Variants in LRRC49 observed in about 807,000 individuals in gnomAD.
The protein encoded by LRRC49 is leucine-rich repeat-containing protein 49.
LRRC49 carries 50 observed loss-of-function variants against 83.3 expected under a neutral mutation model. The observed-to-expected ratio is 0.60, with a 90% CI of 0.48 to 0.76. The LOEUF is 0.76. LRRC49 is among the 30% of genes least tolerant of loss of function. The pLI is 0.00. For missense variants in LRRC49, 704 were observed against 809.1 expected (o/e 0.87, Z 1.58); for synonymous variants, 286 against 283.3 (o/e 1.01, Z -0.10).
At chr15:70,892,157 C>T (rs940290802), upstream of LRRC49, 2 of 1,612,524 alleles carry the variant, frequency 1.2e-6, no homozygotes. Context: ...GGCGCGGCAA[C>T]CCCGCACGAA....
chr15:70,900,464 T>C (rs1283596732), intron 3 of LRRC49: 1 of 456,566 alleles, frequency 2.2e-6, no homozygotes, highest in Non-Finnish European at 4.4e-6. Flanking sequence ...CAGAACTATA[T>C]GGGCTGGAAA....
chr15:70,858,772 C>T, intron 1 of LRRC49: 1 of 1,112,614 alleles, frequency 9.0e-7, no homozygotes, highest in Non-Finnish European at 1.3e-6. Context: ...CCCGGGCCTT[C>T]AGCAGCTGCT....
At chr15:71,016,950 A>G (rs1454719063) in intron 14 of LRRC49, among the ~76,000 whole-genome samples, 1 of 151,906 alleles carries the variant, frequency 6.6e-6, no homozygotes, top group Non-Finnish European at 1.5e-5. Context: ...TACAAAAAAT[A>G]CAAAGACTAA....
At chr15:70,945,476 A>AT (rs1036149013) in intron 8 of LRRC49, among the ~76,000 whole-genome samples, 1 of 150,156 alleles carries the variant, frequency 6.7e-6, no homozygotes, top group Non-Finnish European at 1.5e-5. Flanking sequence ...AGAATATGGA[A>AT]TTCCCCTTAA....
At chr15:70,883,559 T>C (rs1483851815) in intron 2 of LRRC49, among the ~76,000 whole-genome samples, 1 of 152,152 alleles carries the variant, frequency 6.6e-6, no homozygotes, top group African/African-American at 2.4e-5. Flanking sequence ...GAAAACCTAA[T>C]CATTTGTTCT....
chr15:70,960,589 T>C (rs539241349), intron 8 of LRRC49, among the ~76,000 whole-genome samples: 119 of 152,268 alleles, frequency 7.8e-4, no homozygotes, highest in African/African-American at 2.7e-3. Flanking sequence ...AGTAGACACA[T>C]GTATCAATGG....
At chr15:71,035,833 C>T (rs1567110812) in intron 14 of LRRC49, among the ~76,000 whole-genome samples, 1 of 152,070 alleles carries the variant, frequency 6.6e-6, no homozygotes, top group East Asian at 1.9e-4. Context: ...AATAGAATGA[C>T]TTATATTCTT....
chr15:70,947,142 A>C (rs2036038040), intron 8 of LRRC49, among the ~76,000 whole-genome samples: 1 of 152,260 alleles, frequency 6.6e-6, no homozygotes, highest in East Asian at 1.9e-4. Context: ...TTCAGGGATT[A>C]TGAGTGATGC....
chr15:70,854,651 G>A (rs553737992), intron 1 of LRRC49, among the ~76,000 whole-genome samples: 1 of 152,344 alleles, frequency 6.6e-6, no homozygotes, highest in East Asian at 1.9e-4. Flanking sequence ...CGTCTTAGGA[G>A]GTCAGGGGCT....
At chr15:70,882,219 C>T (rs2033280575) in intron 2 of LRRC49, 2 of 389,168 alleles carry the variant, frequency 5.1e-6, no homozygotes, top group Admixed American at 4.1e-5. Flanking sequence ...CTGATTTCTA[C>T]CAAAAGGATT....
At chr15:70,991,142 T>C (rs1265457998) in intron 11 of LRRC49, among the ~76,000 whole-genome samples, 6 of 152,222 alleles carry the variant, frequency 3.9e-5, no homozygotes, top group African/African-American at 1.4e-4. Flanking sequence ...TCTATTCCAG[T>C]GGCTCACAAC....
chr15:71,005,329 T>C (rs184305149), intron 11 of LRRC49, among the ~76,000 whole-genome samples: 26 of 152,248 alleles, frequency 1.7e-4, no homozygotes, highest in Admixed American at 5.9e-4. Flanking sequence ...GGTTTAAATA[T>C]TCGTTATATC....
intron 6 of LRRC49, among the ~76,000 whole-genome samples, chr15:70,913,787 A>G (rs1407693750): frequency 1.3e-5 from 2 of 152,202 alleles, no homozygotes; most frequent in African/African-American, 4.8e-5. Flanking sequence ...GAGAAATAAT[A>G]AACATATGAT....
chr15:70,949,609 A>G (rs537498531), intron 8 of LRRC49, among the ~76,000 whole-genome samples: 2 of 152,072 alleles, frequency 1.3e-5, no homozygotes, highest in South Asian at 2.1e-4. Flanking sequence ...ATGCTCCCCA[A>G]TATAAAATGG....
intron 1 of LRRC49, 113 bp from the exon 2 acceptor site, chr15:70,893,471 T>C (rs1215144363): frequency 1.5e-6 from 1 of 687,164 alleles, no homozygotes; most frequent in Non-Finnish European, 2.6e-6. Context: ...GAAACAGAAA[T>C]AGAGCATTGT....
Position 70,909,751 on chromosome 15 carries a change from A to G in LRRC49, c.501-1781A>G, listed in dbSNP as rs368015055. Among the ~76,000 whole-genome samples, 46 of 151,806 alleles carry G rather than the reference A, an allele frequency of 3.0e-4. 1 individual carries two copies. The highest frequency in any genetic ancestry group is 2.3e-3 in the East Asian group (12 of 5,136). On this transcript the variant is annotated intron_variant, in intron 5 of 15. Transcript: ENST00000260382. ...CTACTCGAGAGGCTGAGGCAGGAGAATCACTTGAACCTGAGAGGCGGAGGT... is the reference window on the plus strand; with the variant it reads ...CTACTCGAGAGGCTGAGGCAGGAGAGTCACTTGAACCTGAGAGGCGGAGGT...
At chr15:70,959,488 T>TGAAA (rs1176483772) in intron 8 of LRRC49, among the ~76,000 whole-genome samples, 1 of 123,894 alleles carries the variant, frequency 8.1e-6, no homozygotes, top group Admixed American at 1.1e-4. Context: ...CAAAACTCCA[T>TGAAA]GAAAGAAAGA....
chr15:70,936,476 G>A, intron 7 of LRRC49: 1 of 308,432 alleles, frequency 3.2e-6, no homozygotes, highest in East Asian at 5.2e-5. Flanking sequence ...TAGCATTTTG[G>A]CATCTTTCCC....
intron 14 of LRRC49, among the ~76,000 whole-genome samples, chr15:71,016,841 C>T (rs2038841959): frequency 6.6e-6 from 1 of 152,162 alleles, no homozygotes; most frequent in Non-Finnish European, 1.5e-5. Flanking sequence ...CATGGTGGCT[C>T]ACGCCTGTAG....
Sources: allele counts gnomAD v4.1 joint callset (sites outside exome capture counted in the v4.1 genomes callset), GRCh38; gene constraint gnomAD v4.1.1; transcripts MANE v1.5; gene names NCBI Gene and HGNC (gene_info 2026-07-23, HGNC 2026-07-21).